Variants in SUCLG2 observed in about 807,000 individuals in gnomAD.
SUCLG2 encodes the protein succinate-CoA ligase GDP-forming subunit beta, also known as succinate--CoA ligase [GDP-forming] subunit beta, mitochondrial.
SUCLG2 carries 42 observed loss-of-function variants against 47.9 expected under a neutral mutation model. The observed-to-expected ratio is 0.88, with a 90% CI of 0.69 to 1.14. The LOEUF (loss-of-function observed/expected upper bound fraction) is 1.14. Among genes scored for constraint, SUCLG2 ranks in the 50% most tolerant of loss-of-function variants. SUCLG2 has a pLI of 0.00. For synonymous variants in SUCLG2, 195 were observed against 197.3 expected (o/e 0.99, Z 0.10); for missense variants, 571 against 525.9 (o/e 1.09, Z -0.84).
chr3:67,649,936 G>A (rs1575844382), intron 1 of SUCLG2, among the ~76,000 whole-genome samples: 1 of 152,136 alleles, frequency 6.6e-6, no homozygotes, highest in East Asian at 1.9e-4. Flanking sequence ...AGGGTACGAG[G>A]GCAGGAATGT....
intron 10 of SUCLG2, among the ~76,000 whole-genome samples, chr3:67,388,891 G>C (rs891296323): frequency 6.6e-6 from 1 of 152,150 alleles, no homozygotes; most frequent in Non-Finnish European, 1.5e-5. Context: ...TCATTGCAAA[G>C]GAAGAAGGAA....
chr3:67,444,195 C>T (rs1256078900), intron 9 of SUCLG2, among the ~76,000 whole-genome samples: 16 of 45,542 alleles, frequency 3.5e-4, no homozygotes, highest in East Asian at 1.3e-3. Flanking sequence ...CCGCCCCGTC[C>T]GGGAGGTGAG....
At chr3:67,399,546 C>T (rs1342546857) in intron 10 of SUCLG2, among the ~76,000 whole-genome samples, 2 of 152,168 alleles carry the variant, frequency 1.3e-5, no homozygotes, top group South Asian at 2.1e-4. Context: ...ACAATGTGCA[C>T]CTGCCCTGTG....
At chr3:67,388,359 T>A (rs1473911310) in intron 10 of SUCLG2, among the ~76,000 whole-genome samples, 2 of 152,232 alleles carry the variant, frequency 1.3e-5, no homozygotes, top group Non-Finnish European at 2.9e-5. Context: ...GGTGTCCTTT[T>A]CTTCCTCTTG....
chr3:67,519,182 CAT>C (rs2107124892), intron 5 of SUCLG2, among the ~76,000 whole-genome samples: 1 of 152,180 alleles, frequency 6.6e-6, no homozygotes, highest in Admixed American at 6.5e-5. Context: ...CAAATCTGTA[CAT>C]GTTAGGTCAA....
At chr3:67,591,605 G>A (rs1157054700) in intron 2 of SUCLG2, among the ~76,000 whole-genome samples, 5 of 152,062 alleles carry the variant, frequency 3.3e-5, no homozygotes. Context: ...TTCTCTTGCT[G>A]CCACCATGTA....
chr3:67,474,134 C>A (rs1234895479), intron 9 of SUCLG2, among the ~76,000 whole-genome samples: 1 of 152,052 alleles, frequency 6.6e-6, no homozygotes. Flanking sequence ...GTGGCAGGCG[C>A]CTGTAGTCCC....
rs77510630 is a variant in SUCLG2 at position 67,597,515 on chromosome 3, T to C, written c.226+11940A>G. ...GGGAAAGTTTTAGCCCTGGAACAAA[T>C]CCAGCCTCGTCCTCCCTATCTATTT... On this transcript the variant is annotated intron_variant, in intron 2 of 10. Transcript: ENST00000307227. Among the ~76,000 whole-genome samples, 1,253 of 152,272 alleles carry C rather than the reference T, an allele frequency of 8.2e-3. 18 individuals are homozygous for C. Among genetic ancestry groups the C allele is most frequent in the African/African-American group, 0.028 (1,184 of 41,562 alleles).
At chr3:67,528,004 C>A in intron 4 of SUCLG2, 128 bp downstream of exon 4, 1 of 764,680 alleles carries the variant, frequency 1.3e-6, no homozygotes, top group African/African-American at 1.8e-5. Context: ...ATTAGATGAG[C>A]TTTAAAAAAT....
chr3:67,395,320 G>A lies in SUCLG2; in HGVS notation c.1183+5411C>T, dbSNP rs1410557531. On this transcript the variant is annotated intron_variant, in intron 10 of 10. Coordinates refer to ENST00000307227, the MANE Select transcript of SUCLG2 (RefSeq NM_003848.4). ...ACACATAGGCTCAAAATAAAAGGAT[G>A]GAGGAAGATCTACCAAGCAAATGGA... Among the ~76,000 whole-genome samples, 3 of 152,100 alleles carry A rather than the reference G, an allele frequency of 2.0e-5. No homozygotes were observed. The East Asian group carries it at 5.8e-4, about 29-fold the overall frequency.
chr3:67,544,033 T>C (rs1193117677), intron 2 of SUCLG2, among the ~76,000 whole-genome samples: 1 of 152,208 alleles, frequency 6.6e-6, no homozygotes, highest in Non-Finnish European at 1.5e-5. Context: ...CAGGAAAATG[T>C]TTTGCCCTTT....
chr3:67,495,061 A>G (rs1007022961), intron 9 of SUCLG2, among the ~76,000 whole-genome samples: 3 of 152,204 alleles, frequency 2.0e-5, no homozygotes, highest in Non-Finnish European at 4.4e-5. Context: ...AGGTGGGGCC[A>G]TTATTTCCCA....
chr3:67,441,473 G>C (rs1255345531), intron 9 of SUCLG2, among the ~76,000 whole-genome samples: 2 of 151,884 alleles, frequency 1.3e-5, no homozygotes, highest in African/African-American at 4.8e-5. Context: ...CTGCAAATAT[G>C]TCTGCGTGTG....
intron 10 of SUCLG2, among the ~76,000 whole-genome samples, chr3:67,384,469 GC>G (rs1460596678): frequency 6.6e-6 from 1 of 152,112 alleles, no homozygotes; most frequent in Admixed American, 6.5e-5. Context: ...CACTACAATG[GC>G]AGAGCTGAGT....
rs578248786 is a variant in SUCLG2 at position 67,587,165 on chromosome 3, T to C, written c.226+22290A>G. 7.9e-5 allele frequency among the ~76,000 whole-genome samples: 12 copies of C among 152,288 alleles called. No individual in the cohort carries two copies. The South Asian group carries it at 2.3e-3, about 29-fold the overall frequency. ...GAATGGGGAACTGAGCTAAAAATGA[T>C]TACGTCTCCTAGCTTCCCTCGGTGA... On this transcript the variant is annotated intron_variant, in intron 2 of 10. Coordinates refer to ENST00000307227, the MANE Select transcript of SUCLG2 (RefSeq NM_003848.4).
intron 9 of SUCLG2, among the ~76,000 whole-genome samples, chr3:67,461,061 C>G (rs1271638125): frequency 6.6e-6 from 1 of 152,192 alleles, no homozygotes; most frequent in African/African-American, 2.4e-5. Flanking sequence ...TGAGTCGTAC[C>G]TTTCCTGCTG....
intron 9 of SUCLG2, among the ~76,000 whole-genome samples, chr3:67,473,614 C>G (rs1704660406): frequency 6.6e-6 from 1 of 152,134 alleles, no homozygotes; most frequent in Non-Finnish European, 1.5e-5. Context: ...ATATTGCACA[C>G]TTCATTTTAG....
At chr3:67,606,068 G>T (rs1700411143) in intron 2 of SUCLG2, among the ~76,000 whole-genome samples, 1 of 151,960 alleles carries the variant, frequency 6.6e-6, no homozygotes, top group African/African-American at 2.4e-5. Context: ...AGCCAGGTGT[G>T]GTGGTGTGTG....
At chr3:67,638,236 G>A (rs751607753) in intron 1 of SUCLG2, among the ~76,000 whole-genome samples, 13 of 152,180 alleles carry the variant, frequency 8.5e-5, no homozygotes, top group Non-Finnish European at 1.6e-4. Flanking sequence ...TAATGATAAT[G>A]ATAGTACCTA....
Sources: allele counts gnomAD v4.1 joint callset (sites outside exome capture counted in the v4.1 genomes callset), GRCh38; gene constraint gnomAD v4.1.1; transcripts MANE v1.5; gene names NCBI Gene and HGNC (gene_info 2026-07-23, HGNC 2026-07-21).